SMARCC2: variants seen among roughly 807,000 people sequenced by gnomAD.
SMARCC2 encodes the protein SWI/SNF complex subunit SMARCC2.
A neutral mutation model predicts 151.3 loss-of-function variants in SMARCC2; 15 were observed. The ratio of observed to expected loss-of-function variants is 0.10; its 90% confidence interval spans 0.07 to 0.15. SMARCC2 has a LOEUF of 0.15. Ranked by LOEUF, SMARCC2 falls within the 10% of genes least tolerant of loss-of-function variation. The pLI is 1.00. For synonymous variants in SMARCC2, 590 were observed against 609.5 expected (o/e 0.97, Z 0.47); for missense variants, 1,031 against 1,599.7 (o/e 0.64, Z 6.06).
At chr12:56,188,726 G>C (rs745472276) in intron 1 of SMARCC2, among the ~76,000 whole-genome samples, 10 of 152,160 alleles carry the variant, frequency 6.6e-5, no homozygotes, top group Non-Finnish European at 1.2e-4. Context: ...GTTTCGGAAG[G>C]GGCCGCTACC....
chr12:56,184,270 A>G (rs1435548731), intron 5 of SMARCC2, 26 bp from the exon 6 acceptor site: 11 of 1,561,204 alleles, frequency 7.0e-6, no homozygotes, highest in Non-Finnish European at 9.7e-6. Flanking sequence ...AGAAGCGGGT[A>G]AATTATGGTC....
At position 56,165,448 on chromosome 12, in the gene SMARCC2, AG is replaced by A. The variant is rs1826446921; in HGVS notation, c.3101del (p.Pro1034LeufsTer58). On this transcript the variant is annotated frameshift_variant, in exon 27 of 29. Coordinates refer to ENST00000550164, the MANE Select transcript of SMARCC2 (RefSeq NM_001330288.2). LOFTEE classifies it high-confidence loss of function. ...GTTCAGAAGGGCCCAAACTTCCTGG[AG>A]GGGCCCCACTGCCAGCAGGAGCAGG... ...VVPAPAGSGA[P>X]PGSLGPSEQI... The A allele has an allele frequency of 6.5e-7, 1 of 1,535,604 alleles. No homozygotes were observed. Among genetic ancestry groups the A allele is most frequent in the Non-Finnish European group, 8.8e-7 (1 of 1,142,218 alleles).
At position 56,181,532 on chromosome 12, in the gene SMARCC2, G is replaced by T; in HGVS notation, c.906C>A (p.Ser302=). Residue 302 remains serine, a synonymous_variant, in exon 10 of 29, where the codon TCC becomes TCA. Transcript: ENST00000550164. ...CTTCTGGGGTTGGTGAAGGAGAGGGGGAGCGCTTCCTCTTCTTATAGTTTC... is the reference window on the plus strand; with the variant it reads ...CTTCTGGGGTTGGTGAAGGAGAGGGTGAGCGCTTCCTCTTCTTATAGTTTC... ...KGGNYKKRKR[S]PSPSPTPEAK... The T allele has an allele frequency of 6.3e-7, 1 of 1,577,728 alleles. No homozygotes were observed. Among genetic ancestry groups the T allele is most frequent in the Non-Finnish European group, 8.6e-7 (1 of 1,164,580 alleles).
chr12:56,166,341 G>A (rs551577643), intron 26 of SMARCC2, among the ~76,000 whole-genome samples: 55 of 151,856 alleles, frequency 3.6e-4, no homozygotes, highest in African/African-American at 1.2e-3. Flanking sequence ...TAGTAGAGAC[G>A]GGGTTTCACC....
At chr12:56,172,762 GAC>G in intron 18 of SMARCC2, 58 bp from the exon 19 acceptor site, 1 of 1,607,346 alleles carries the variant, frequency 6.2e-7, no homozygotes, top group Non-Finnish European at 8.5e-7. Context: ...GCCAGGGGCT[GAC>G]AGAGAGAAAA....
chr12:56,173,984 C>A (rs951414117), intron 16 of SMARCC2, 135 bp from the exon 17 acceptor site: 19 of 696,554 alleles, frequency 2.7e-5, no homozygotes, highest in Non-Finnish European at 4.0e-5. Context: ...TCATTGTACT[C>A]CTTAAGAAAT....
Position 56,171,556 on chromosome 12 carries a change from T to A in SMARCC2, c.2185+123A>T. On this transcript the variant is annotated intron_variant, in intron 21 of 28. Transcript: ENST00000550164. This position sits in a 1 kb window ranked among gnomAD's most constrained non-coding sequence, Gnocchi z 4.2. ...CTAGTATGGAGCCTAGACAGGTGCC[T>A]GAGCTGAGGCCCGCACAGACAAGGC... The A allele has an allele frequency of 1.3e-6, 2 of 1,504,360 alleles. No individual in the cohort carries two copies. Among genetic ancestry groups the A allele is most frequent in the Non-Finnish European group, 1.8e-6 (2 of 1,104,196 alleles). The allele number at this position is 1,504,360 out of a possible 1,614,324, so 93.2% of individuals were successfully genotyped here.
At position 56,163,543 on chromosome 12, in the gene SMARCC2, G is replaced by A; in HGVS notation, c.*146C>T. On this transcript the variant is annotated 3_prime_UTR_variant, in exon 29 of 29. Transcript: ENST00000550164. Reference sequence around the variant, plus strand: ...AAAATGCATGCCTCTGTTAGGCATGGTGAGGGCTTTGGAGGGGCGGAAGGA... The same window carrying A: ...AAAATGCATGCCTCTGTTAGGCATGATGAGGGCTTTGGAGGGGCGGAAGGA... 2.2e-6 allele frequency: 1 copy of A among 464,098 alleles called. No homozygotes were observed. Among genetic ancestry groups the A allele is most frequent in the Non-Finnish European group, 3.8e-6 (1 of 263,070 alleles). The allele number at this position is 464,098 out of a possible 1,614,324, so 28.7% of individuals were successfully genotyped here.
chr12:56,180,847 C>A, intron 11 of SMARCC2, 130 bp downstream of exon 11: 2 of 921,254 alleles, frequency 2.2e-6, no homozygotes, highest in Admixed American at 2.3e-5. Context: ...TTCCAATAAC[C>A]AGCTAAATTT....
At chr12:56,188,068 A>G (rs1007603108) in intron 1 of SMARCC2, among the ~76,000 whole-genome samples, 13 of 152,158 alleles carry the variant, frequency 8.5e-5, no homozygotes, top group African/African-American at 3.1e-4. Context: ...CTCATCACAA[A>G]GAAGACAGTG....
At position 56,182,104 on chromosome 12, in the gene SMARCC2, G is replaced by A. The variant is rs758176583; in HGVS notation, c.633-25C>T. The A allele has an allele frequency of 5.2e-6, 8 of 1,547,006 alleles. No individual in the cohort carries two copies. The East Asian group carries it at 1.3e-4, about 26-fold the overall frequency. The stretch of plus-strand genomic sequence containing the variant: ...ACTGCCATGGGAAATTGAGCACACA[G>A]TAGAATCAATGGGATAGAATTGTGG... On this transcript the variant is annotated intron_variant, in intron 7 of 28. Coordinates refer to ENST00000550164, the MANE Select transcript of SMARCC2 (RefSeq NM_001330288.2).
intron 1 of SMARCC2, among the ~76,000 whole-genome samples, chr12:56,187,697 C>T (rs748025582): frequency 6.6e-5 from 10 of 152,138 alleles, no homozygotes; most frequent in Non-Finnish European, 1.5e-4. Context: ...CTAAGAGAGA[C>T]ATTTCTTAGG....
At chr12:56,184,659 G>C (rs1876882210) in intron 5 of SMARCC2, 185 bp downstream of exon 5, 1 of 592,802 alleles carries the variant, frequency 1.7e-6, no homozygotes, top group Non-Finnish European at 3.0e-6. Flanking sequence ...AACCTGTCAG[G>C]ACTGAAAAAT....
rs1872428333 is a variant in SMARCC2, at chr12:56,164,583, G to A, written c.3381C>T (p.Ile1127=). The part of the protein sequence containing the change: ...PPPPPPPAPS[I]IPFGSLADSI... ...AGTCAGCTAGACTACCAAATGGGATGATGGATGGAGCAGGAGGAGGAGGAG... is the reference window on the plus strand; with the variant it reads ...AGTCAGCTAGACTACCAAATGGGATAATGGATGGAGCAGGAGGAGGAGGAG... The change falls in exon 28 of 29, where the codon ATC becomes ATT. Residue 1127 remains isoleucine, a synonymous_variant. Coordinates refer to ENST00000550164, the MANE Select transcript of SMARCC2 (RefSeq NM_001330288.2). 2 of 1,613,958 alleles carry A rather than the reference G, an allele frequency of 1.2e-6. No individual in the cohort carries two copies. The highest frequency in any genetic ancestry group is 1.7e-6 in the Non-Finnish European group (2 of 1,179,986).
chr12:56,166,635 G>A (rs1048781716), intron 26 of SMARCC2, among the ~76,000 whole-genome samples: 1 of 150,414 alleles, frequency 6.6e-6, no homozygotes, highest in Admixed American at 6.6e-5. Flanking sequence ...TGTCACCCAG[G>A]CTGGAATGCA....
At chr12:56,185,750 T>C in intron 3 of SMARCC2, 1 of 185,934 alleles carries the variant, frequency 5.4e-6, no homozygotes, top group Non-Finnish European at 1.1e-5. Context: ...AGTGCTGGGA[T>C]TACAGGTGTG....
intron 11 of SMARCC2, 99 bp from the exon 12 acceptor site, chr12:56,179,155 C>T: frequency 1.1e-6 from 1 of 950,736 alleles, no homozygotes; most frequent in Non-Finnish European, 1.7e-6. Context: ...AAATTGTCTC[C>T]ACCTGATTGC....
intron 11 of SMARCC2, among the ~76,000 whole-genome samples, chr12:56,179,379 G>C (rs1454532568): frequency 6.6e-6 from 1 of 152,206 alleles, no homozygotes; most frequent in Non-Finnish European, 1.5e-5. Flanking sequence ...GTGGAAGAAT[G>C]GTTAAGTGTT....
chr12:56,187,823 G>T (rs770673610), intron 1 of SMARCC2, among the ~76,000 whole-genome samples: 1 of 152,082 alleles, frequency 6.6e-6, no homozygotes, highest in Non-Finnish European at 1.5e-5. Flanking sequence ...CTGAAGACTG[G>T]GTATAAATGT....
Sources: gnomAD v4.1 joint callset for allele counts (sites outside exome capture counted in the v4.1 genomes callset) on GRCh38, gnomAD v4.1.1 for gene constraint, Gnocchi (gnomAD v3.1) non-coding constraint, MANE v1.5 for transcripts, NCBI Gene and HGNC (gene_info 2026-07-23, HGNC 2026-07-21) for gene names.